CNTNAP5: variants seen among roughly 807,000 people sequenced by gnomAD.
CNTNAP5 encodes contactin-associated protein-like 5.
CNTNAP5 carries 72 observed loss-of-function variants against 150.2 expected under a neutral mutation model. The ratio of observed to expected loss-of-function variants is 0.48; its 90% CI spans 0.40 to 0.58. The LOEUF (loss-of-function observed/expected upper bound fraction) is 0.58, where lower values mean the gene tolerates loss of function less well. Ranked by LOEUF, CNTNAP5 falls within the 20% of genes least tolerant of loss-of-function variation. The probability of loss-of-function intolerance (pLI) is 0.00; values close to 1 mark genes in which losing one functional copy is unlikely to be tolerated. For synonymous variants in CNTNAP5, 672 were observed against 619.8 expected (o/e 1.08, Z -1.25); for missense variants, 1,636 against 1,626.2 (o/e 1.01, Z -0.10).
At chr2:124,274,228 T>A (rs1440600406) in intron 3 of CNTNAP5, among the ~76,000 whole-genome samples, 1 of 152,216 alleles carries the variant, frequency 6.6e-6, no homozygotes, top group Non-Finnish European at 1.5e-5. Flanking sequence ...ATAGGTCAGG[T>A]GCTGAATAGC....
rs1680239635 is a variant in CNTNAP5 at position 124,730,114 on chromosome 2, GA to G, written c.2078-17110del. On this transcript the variant is annotated intron_variant, in intron 13 of 23. Transcript: ENST00000682447. The stretch of plus-strand genomic sequence containing the variant: ...CGTGATAGCAACAAAATGACTTCTT[GA>G]AAAATGAAGACTTGCACCATGTTAT... Among the ~76,000 whole-genome samples, 6 of 152,086 alleles carry G rather than the reference GA, an allele frequency of 3.9e-5. No homozygotes were observed. The South Asian group carries it at 1.2e-3, about 32-fold the overall frequency.
chr2:124,870,697 T>G (rs2104726435), intron 21 of CNTNAP5, among the ~76,000 whole-genome samples: 1 of 152,258 alleles, frequency 6.6e-6, no homozygotes, highest in Admixed American at 6.5e-5. Flanking sequence ...AACACGTAAG[T>G]TAGTTGCTTA....
intron 3 of CNTNAP5, among the ~76,000 whole-genome samples, chr2:124,378,587 A>G (rs537480196): frequency 9.3e-4 from 141 of 152,248 alleles, no homozygotes; most frequent in African/African-American, 3.2e-3. Context: ...TTCTTCAACA[A>G]AAGTCCTTGA....
chr2:124,707,774 A>T (rs1679722818), intron 13 of CNTNAP5, among the ~76,000 whole-genome samples: 1 of 152,170 alleles, frequency 6.6e-6, no homozygotes, highest in African/African-American at 2.4e-5. Flanking sequence ...TCTGGATTCA[A>T]AAAGAATTGG....
chr2:124,814,693 G>C (rs140481623), intron 19 of CNTNAP5, among the ~76,000 whole-genome samples: 1 of 152,176 alleles, frequency 6.6e-6, no homozygotes, highest in African/African-American at 2.4e-5. Context: ...AGAAAAAGAA[G>C]AAATTAAATT....
intron 11 of CNTNAP5, among the ~76,000 whole-genome samples, chr2:124,597,618 T>A (rs1329598117): frequency 2.0e-5 from 3 of 150,044 alleles, no homozygotes; most frequent in African/African-American, 7.3e-5. Flanking sequence ...GACAATTATG[T>A]GTCTTGGAGT....
intron 1 of CNTNAP5, among the ~76,000 whole-genome samples, chr2:124,214,965 T>G (rs2104730651): frequency 6.6e-6 from 1 of 152,278 alleles, no homozygotes; most frequent in Admixed American, 6.5e-5. Flanking sequence ...AATGTATCTT[T>G]TAGGGTTTCA....
At chr2:124,180,894 C>T (rs1685192167) in intron 1 of CNTNAP5, among the ~76,000 whole-genome samples, 1 of 151,668 alleles carries the variant, frequency 6.6e-6, no homozygotes, top group Non-Finnish European at 1.5e-5. Context: ...CCTTTTCATG[C>T]CTCCCTCTCC....
chr2:124,717,261 C>A (rs981237417), intron 13 of CNTNAP5, among the ~76,000 whole-genome samples: 1 of 152,116 alleles, frequency 6.6e-6, no homozygotes, highest in African/African-American at 2.4e-5. Flanking sequence ...TCAGAGGCTG[C>A]GTGCTGCCAG....
intron 16 of CNTNAP5, 78 bp downstream of exon 16, chr2:124,764,225 G>A (rs1276349136): frequency 6.3e-6 from 7 of 1,104,766 alleles, no homozygotes; most frequent in South Asian, 1.4e-5. Flanking sequence ...CCAGTCACTA[G>A]TGGGCATTTG....
chr2:124,103,872 TAATATA>T (rs1202250581), intron 1 of CNTNAP5, among the ~76,000 whole-genome samples: 2 of 147,868 alleles, frequency 1.4e-5, no homozygotes, highest in African/African-American at 2.5e-5. Context: ...TAAATTTATA[TAATATA>T]AATATAATTT....
chr2:124,461,460 A>G (rs1693249427), intron 6 of CNTNAP5, among the ~76,000 whole-genome samples: 1 of 141,732 alleles, frequency 7.1e-6, no homozygotes. Flanking sequence ...TCTCACTCAT[A>G]GGTGGGAATT....
intron 11 of CNTNAP5, among the ~76,000 whole-genome samples, chr2:124,590,486 T>G (rs1696654778): frequency 1.3e-5 from 2 of 152,190 alleles, no homozygotes; most frequent in Non-Finnish European, 2.9e-5. Flanking sequence ...TTTTAACATA[T>G]TTATTTTTCT....
intron 2 of CNTNAP5, among the ~76,000 whole-genome samples, chr2:124,230,723 G>T (rs1335190950): frequency 6.6e-6 from 1 of 151,776 alleles, no homozygotes; most frequent in Non-Finnish European, 1.5e-5. Context: ...GTAGAGACAG[G>T]GTTTCACCAT....
chr2:124,415,101 G>C (rs1195775580), intron 3 of CNTNAP5, among the ~76,000 whole-genome samples: 1 of 152,186 alleles, frequency 6.6e-6, no homozygotes, highest in Non-Finnish European at 1.5e-5. Context: ...CAGGGAAGGA[G>C]GACAGCTTCA....
chr2:124,756,610 G>A (rs535029307), intron 14 of CNTNAP5, among the ~76,000 whole-genome samples: 1 of 152,166 alleles, frequency 6.6e-6, no homozygotes, highest in Non-Finnish European at 1.5e-5. Flanking sequence ...CATGTGCTTT[G>A]CAGGGACATG....
At chr2:124,058,291 T>C (rs1177287460) in intron 1 of CNTNAP5, among the ~76,000 whole-genome samples, 1 of 152,194 alleles carries the variant, frequency 6.6e-6, no homozygotes, top group East Asian at 1.9e-4. Context: ...AGCTTTTGAC[T>C]GTCTCTCCAG....
At chr2:124,480,328 T>C (rs1234481287) in intron 7 of CNTNAP5, among the ~76,000 whole-genome samples, 6 of 152,334 alleles carry the variant, frequency 3.9e-5, no homozygotes, top group African/African-American at 1.4e-4. Flanking sequence ...ACAGATGTAT[T>C]GAAGAGTAAC....
intron 1 of CNTNAP5, among the ~76,000 whole-genome samples, chr2:124,027,239 T>C (rs1425399347): frequency 6.6e-6 from 1 of 152,244 alleles, no homozygotes; most frequent in Non-Finnish European, 1.5e-5. Context: ...CGTGGTGCTT[T>C]AGAAAAAGAT....
Sources: gnomAD v4.1 joint callset for allele counts (sites outside exome capture counted in the v4.1 genomes callset) on GRCh38, gnomAD v4.1.1 for gene constraint, MANE v1.5 for transcripts, NCBI Gene and HGNC (gene_info 2026-07-23, HGNC 2026-07-21) for gene names.